Variants in ARHGAP24 observed in about 807,000 individuals in gnomAD.
The protein encoded by ARHGAP24 is rho GTPase-activating protein 24.
A neutral mutation model predicts 76.4 loss-of-function variants in ARHGAP24; 50 were observed. That is an observed-to-expected ratio of 0.65 (90% CI 0.52 to 0.83). ARHGAP24 has a LOEUF of 0.83. ARHGAP24 is among the 40% of genes least tolerant of loss of function. ARHGAP24 has a pLI of 0.00. For missense variants in ARHGAP24, 930 were observed against 914.2 expected (o/e 1.02, Z -0.22); for synonymous variants, 345 against 323.3 (o/e 1.07, Z -0.72).
chr4:85,655,341 G>A (rs1358393749), intron 2 of ARHGAP24, among the ~76,000 whole-genome samples: 3 of 152,150 alleles, frequency 2.0e-5, no homozygotes, highest in Non-Finnish European at 4.4e-5. Context: ...ATTGAACAAT[G>A]TTCTTTAGGG....
chr4:85,692,766 G>T (rs78527768), intron 2 of ARHGAP24, among the ~76,000 whole-genome samples: 1,858 of 152,236 alleles, frequency 0.012, 14 homozygotes, highest in Non-Finnish European at 0.019. Flanking sequence ...TCTGAATGTC[G>T]ATAGCTTCCT....
chr4:85,541,015 A>T (rs1016554197), intron 1 of ARHGAP24, among the ~76,000 whole-genome samples: 1 of 122,570 alleles, frequency 8.2e-6, no homozygotes, highest in Non-Finnish European at 1.5e-5. Flanking sequence ...CCAAAACTGT[A>T]GGTTTCTTGC....
intron 3 of ARHGAP24, among the ~76,000 whole-genome samples, chr4:85,839,109 T>C (rs1236355293): frequency 3.3e-5 from 5 of 152,142 alleles, no homozygotes; most frequent in African/African-American, 1.2e-4. Context: ...TACAATGAAC[T>C]AAAAATGGTA....
intron 3 of ARHGAP24, among the ~76,000 whole-genome samples, chr4:85,763,959 C>G (rs2110074791): frequency 6.6e-6 from 1 of 152,112 alleles, no homozygotes. Context: ...AAGTCAGCAT[C>G]CTATATTTTT....
intron 2 of ARHGAP24, among the ~76,000 whole-genome samples, chr4:85,666,157 C>G (rs1188554804): frequency 6.6e-6 from 1 of 152,190 alleles, no homozygotes; most frequent in Non-Finnish European, 1.5e-5. Context: ...GTACACCAAT[C>G]AGATGTAGAT....
At position 86,001,672 on chromosome 4, in the gene ARHGAP24, CCAA is replaced by C. The variant is rs1741025437; in HGVS notation, c.*955_*957del. On this transcript the variant is annotated 3_prime_UTR_variant, in exon 10 of 10. Transcript: ENST00000395184. ...CTCCCACTCAAACCTCTCCCATCTCCCAACAACTGCACTTTAGAATACCAGCAG... is the reference window on the plus strand; with the variant it reads ...CTCCCACTCAAACCTCTCCCATCTCCCAACTGCACTTTAGAATACCAGCAG... 2 of 376,134 alleles carry C rather than the reference CCAA, an allele frequency of 5.3e-6. No homozygotes were observed. The highest frequency in any genetic ancestry group is 7.6e-5 in the East Asian group (2 of 26,310). The allele number at this position is 376,134 out of a possible 1,614,324, so 23.3% of individuals were successfully genotyped here.
At chr4:85,807,926 TA>T (rs1210638970) in intron 3 of ARHGAP24, among the ~76,000 whole-genome samples, 2 of 152,324 alleles carry the variant, frequency 1.3e-5, no homozygotes, top group East Asian at 3.9e-4. Context: ...GCACTTTTTT[TA>T]TTTTTGTCTC....
intron 1 of ARHGAP24, among the ~76,000 whole-genome samples, chr4:85,500,837 G>A (rs1350936009): frequency 6.6e-6 from 1 of 152,036 alleles, no homozygotes; most frequent in Non-Finnish European, 1.5e-5. Flanking sequence ...ATTTACATTA[G>A]GTATTTCTCC....
chr4:85,598,754 T>TG lies in ARHGAP24; in HGVS notation c.180+28033_180+28034insG, dbSNP rs1478490972. Among the ~76,000 whole-genome samples, 77 of 150,758 alleles carry TG rather than the reference T, an allele frequency of 5.1e-4. 1 individual carries two copies. Among genetic ancestry groups the TG allele is most frequent in the African/African-American group, 1.8e-3 (76 of 41,336 alleles). On this transcript the variant is annotated intron_variant, in intron 2 of 9. Transcript: ENST00000395184. ...AATCACTGTTTTGTTTTGTTTTTTTTTTTTTACAATATTCCTCAAGTCAAA... is the reference window on the plus strand; with the variant it reads ...AATCACTGTTTTGTTTTGTTTTTTTTGTTTTTACAATATTCCTCAAGTCAAA...
In ARHGAP24 at chr4:85,536,115, A is replaced by G. The variant is rs183840092; in HGVS notation, c.-20-34407A>G. On this transcript the variant is annotated intron_variant, in intron 1 of 9. Coordinates refer to ENST00000395184, the MANE Select transcript of ARHGAP24 (RefSeq NM_001025616.3). ...TCAGACACTGTTTCAGTTGAGTGAT[A>G]TAATCAGAATCCTTACTCCAGTACA... Among the ~76,000 whole-genome samples the G allele has an allele frequency of 1.8e-3, 273 of 152,236 alleles. 1 individual carries two copies. The highest frequency in any genetic ancestry group is 6.1e-3 in the African/African-American group (252 of 41,560).
At chr4:85,762,076 C>G (rs1726755183) in intron 3 of ARHGAP24, among the ~76,000 whole-genome samples, 1 of 152,196 alleles carries the variant, frequency 6.6e-6, no homozygotes, top group Non-Finnish European at 1.5e-5. Context: ...ATAAATACAT[C>G]CCATCAGTGG....
intron 3 of ARHGAP24, among the ~76,000 whole-genome samples, chr4:85,816,086 C>T (rs1729225471): frequency 6.6e-6 from 1 of 152,168 alleles, no homozygotes; most frequent in African/African-American, 2.4e-5. Flanking sequence ...CACCAGGTCC[C>T]TCCCACAATA....
chr4:85,498,791 A>T (rs192727618), intron 1 of ARHGAP24, among the ~76,000 whole-genome samples: 63 of 152,378 alleles, frequency 4.1e-4, no homozygotes, highest in Non-Finnish European at 8.1e-4. Context: ...ATCTTGTATG[A>T]TACTTGTATT....
intron 8 of ARHGAP24, among the ~76,000 whole-genome samples, chr4:85,979,175 A>C (rs1008199058): frequency 6.6e-6 from 1 of 152,074 alleles, no homozygotes; most frequent in East Asian, 1.9e-4. Flanking sequence ...GTGACCTTTG[A>C]TTGTGTTGTG....
intron 2 of ARHGAP24, among the ~76,000 whole-genome samples, chr4:85,598,590 A>G (rs1328055049): frequency 6.6e-6 from 1 of 152,110 alleles, no homozygotes; most frequent in Non-Finnish European, 1.5e-5. Context: ...AAATAATAAG[A>G]TGAATAGGAT....
At chr4:85,531,431 G>C (rs897641089) in intron 1 of ARHGAP24, among the ~76,000 whole-genome samples, 16 of 152,060 alleles carry the variant, frequency 1.1e-4, no homozygotes, top group Non-Finnish European at 2.9e-5. Flanking sequence ...GTGTGGAAGA[G>C]ATGAGGAGTG....
chr4:85,594,773 T>C (rs1262798847), intron 2 of ARHGAP24, among the ~76,000 whole-genome samples: 2 of 152,092 alleles, frequency 1.3e-5, no homozygotes, highest in African/African-American at 4.8e-5. Flanking sequence ...TGCTAGTTCA[T>C]TCACCAATGT....
intron 2 of ARHGAP24, among the ~76,000 whole-genome samples, chr4:85,634,100 G>A (rs1424104272): frequency 2.0e-5 from 3 of 151,734 alleles, no homozygotes; most frequent in African/African-American, 7.3e-5. Flanking sequence ...TCAACTGAAG[G>A]ATAAAAAATC....
intron 2 of ARHGAP24, among the ~76,000 whole-genome samples, chr4:85,666,360 C>T (rs1445391462): frequency 1.3e-5 from 2 of 152,118 alleles, no homozygotes; most frequent in Non-Finnish European, 2.9e-5. Context: ...CCTGTAAGCA[C>T]TTCTCTGTAT....
Sources: gnomAD v4.1 joint callset for allele counts (sites outside exome capture counted in the v4.1 genomes callset) on GRCh38, gnomAD v4.1.1 for gene constraint, MANE v1.5 for transcripts, NCBI Gene and HGNC (gene_info 2026-07-23, HGNC 2026-07-21) for gene names.